Variants in LHX6 observed in about 807,000 individuals in gnomAD.
The protein encoded by LHX6 is LIM/homeobox protein Lhx6.
Under a neutral mutation model 47.1 loss-of-function variants are expected in LHX6, and 15 were observed. The observed-to-expected ratio is 0.32, with a 90% CI of 0.21 to 0.49. The LOEUF is 0.49. Among genes scored for constraint, LHX6 ranks in the 20% least tolerant of loss-of-function variants. The pLI is 0.99. For synonymous variants in LHX6, 242 were observed against 233.5 expected (o/e 1.04, Z -0.33); for missense variants, 404 against 539.6 (o/e 0.75, Z 2.49).
At chr9:122,209,469 G>A in intron 9 of LHX6, 145 bp downstream of exon 9, 2 of 1,206,602 alleles carry the variant, frequency 1.7e-6, no homozygotes, top group South Asian at 1.4e-5. Flanking sequence ...ACTGCTGTGG[G>A]GGTGCGGTGG....
In LHX6 at chr9:122,215,112, T is replaced by A. The variant is rs374056952; in HGVS notation, c.683-729A>T. 1.7e-3 allele frequency among the ~76,000 whole-genome samples: 259 copies of A among 152,318 alleles called. 1 individual carries two copies. Among genetic ancestry groups the A allele is most frequent in the African/African-American group, 5.7e-3 (237 of 41,574 alleles). On this transcript the variant is annotated intron_variant, in intron 5 of 9. Coordinates refer to ENST00000394319, the MANE Select transcript of LHX6 (RefSeq NM_014368.5). ...CATTGTTCTGAATATCCTCAAAATCTCAGAAAATTTCCATAAGCACAAAGA... is the reference window on the plus strand; with the variant it reads ...CATTGTTCTGAATATCCTCAAAATCACAGAAAATTTCCATAAGCACAAAGA...
chr9:122,210,709 G>C (rs1354993753), intron 8 of LHX6, among the ~76,000 whole-genome samples: 1 of 152,080 alleles, frequency 6.6e-6, no homozygotes, highest in Non-Finnish European at 1.5e-5. Context: ...CTACTGGCAT[G>C]TACCATCATG....
Position 122,226,610 on chromosome 9 carries a change from C to A in LHX6, c.340-113G>T, listed in dbSNP as rs759175639. ...GGCGCTGAAGCTCAGAAGGTGCATG[C>A]GATTCCCCTATTTTTCTCCCGTAAT... On this transcript the variant is annotated intron_variant, in intron 3 of 9. Coordinates refer to ENST00000394319, the MANE Select transcript of LHX6 (RefSeq NM_014368.5). This position sits in a 1 kb window ranked among gnomAD's most constrained non-coding sequence, Gnocchi z 6.5. The A allele has an allele frequency of 2.5e-5, 36 of 1,444,994 alleles. No homozygotes were observed. In the Admixed American group the frequency reaches 7.0e-4, roughly 28 times the overall value. 89.5% of individuals were successfully genotyped at this position (1,444,994 alleles called of 1,614,324 possible).
chr9:122,214,204 G>T lies in LHX6; in HGVS notation c.783+79C>A. 2.8e-6 allele frequency: 4 copies of T among 1,416,092 alleles called. No homozygotes were observed. Among genetic ancestry groups the T allele is most frequent in the Non-Finnish European group, 3.7e-6 (4 of 1,070,314 alleles). 87.7% of individuals were successfully genotyped at this position (1,416,092 alleles called of 1,614,324 possible). ...CCGCCACCCGGGTCCGGCCCGAGGG[G>T]CGGAGCCAGGAGACATTGTCGGCCC... On this transcript the variant is annotated intron_variant, in intron 6 of 9. Transcript: ENST00000394319. This position sits in a 1 kb window ranked among gnomAD's most constrained non-coding sequence, Gnocchi z 4.6.
At chr9:122,215,606 C>T (rs1830566670) in intron 5 of LHX6, among the ~76,000 whole-genome samples, 1 of 152,220 alleles carries the variant, frequency 6.6e-6, no homozygotes, top group African/African-American at 2.4e-5. Flanking sequence ...TGTGGGAAAG[C>T]TCTGACTCCT....
intron 9 of LHX6, among the ~76,000 whole-genome samples, chr9:122,209,098 C>A (rs1463673793): frequency 6.6e-6 from 1 of 152,148 alleles, no homozygotes; most frequent in Non-Finnish European, 1.5e-5. Flanking sequence ...ACCTTGAAGC[C>A]CTGGAATGGG....
intron 9 of LHX6, among the ~76,000 whole-genome samples, chr9:122,208,078 G>C (rs1442898668): frequency 6.6e-6 from 1 of 152,220 alleles, no homozygotes; most frequent in African/African-American, 2.4e-5. Context: ...TCTGAAGACT[G>C]CTACAGTGAT....
chr9:122,227,147 A>T (rs1831137115), intron 2 of LHX6, 117 bp from the exon 3 acceptor site: 1 of 1,011,478 alleles, frequency 9.9e-7, no homozygotes, highest in Non-Finnish European at 1.4e-6. Context: ...CCCCAGGACA[A>T]TGCGCCGTAG....
At chr9:122,224,025 A>ATGTT (rs780807918) in intron 4 of LHX6, among the ~76,000 whole-genome samples, 7 of 151,674 alleles carry the variant, frequency 4.6e-5, no homozygotes, top group South Asian at 2.1e-4. Context: ...GTTTTTTTGT[A>ATGTT]TGTTTGTTTG....
chr9:122,219,682 T>C (rs1830754710), intron 4 of LHX6, among the ~76,000 whole-genome samples: 1 of 152,162 alleles, frequency 6.6e-6, no homozygotes, highest in Non-Finnish European at 1.5e-5. Context: ...AGGTGGGGAC[T>C]CTGGCATCCG....
intron 1 of LHX6, chr9:122,228,115 C>G (rs1831187243): frequency 1.7e-6 from 1 of 586,926 alleles, no homozygotes. Context: ...CCCGCCCGCC[C>G]GCCCGCCTGA....
Position 122,227,675 on chromosome 9 carries a change from T to A in LHX6, c.85-195A>T, listed in dbSNP as rs976276374. The A allele has an allele frequency of 4.1e-6, 5 of 1,225,970 alleles. No individual in the cohort carries two copies. In the African/African-American group the frequency reaches 6.4e-5, roughly 16 times the overall value. The allele number at this position is 1,225,970 out of a possible 1,614,324, so 75.9% of individuals were successfully genotyped here. ...TGAAGCAATTTGAATTTGGATTGGA[T>A]TTTTTCCCTCTCTCTCCCCCTCTCC... On this transcript the variant is annotated intron_variant, in intron 1 of 9. Coordinates refer to ENST00000394319, the MANE Select transcript of LHX6 (RefSeq NM_014368.5).
In LHX6 at chr9:122,214,805, A is replaced by G. The variant is rs947745825; in HGVS notation, c.683-422T>C. On this transcript the variant is annotated intron_variant, in intron 5 of 9. Coordinates refer to ENST00000394319, the MANE Select transcript of LHX6 (RefSeq NM_014368.5). This position sits in a 1 kb window ranked among gnomAD's most constrained non-coding sequence, Gnocchi z 4.6. The stretch of plus-strand genomic sequence containing the variant: ...TAGGAAGCAAGCAAGTAACGGAACT[A>G]TGCTCCTAATTTTATAAAAATAAGC... 6.6e-6 allele frequency among the ~76,000 whole-genome samples: 1 copy of G among 152,190 alleles called. No homozygotes were observed. The highest frequency in any genetic ancestry group is 2.4e-5 in the African/African-American group (1 of 41,434).
In LHX6 at chr9:122,226,359, C is replaced by T. The variant is rs564844632; in HGVS notation, c.461+17G>A. 20 of 1,604,884 alleles carry T rather than the reference C, an allele frequency of 1.2e-5. No homozygotes were observed. In the South Asian group the frequency reaches 2.0e-4, roughly 16 times the overall value. ...CCTGCCCTCGGCGACACTGCTGGCT[C>T]GGCGGCCGCAGCCTACCTGAAGTAG... On this transcript the variant is annotated intron_variant, in intron 4 of 9. Coordinates refer to ENST00000394319, the MANE Select transcript of LHX6 (RefSeq NM_014368.5). The surrounding 1 kb of genome is among the most constrained non-coding windows in gnomAD (Gnocchi z 6.5).
chr9:122,214,503 A>T lies in LHX6; in HGVS notation c.683-120T>A, dbSNP rs1830524857. The T allele has an allele frequency of 7.5e-7, 1 of 1,325,002 alleles. No individual in the cohort carries two copies. Among genetic ancestry groups the T allele is most frequent in the Non-Finnish European group, 9.8e-7 (1 of 1,018,516 alleles). The allele number at this position is 1,325,002 out of a possible 1,614,324, so 82.1% of individuals were successfully genotyped here. A position where few individuals can be genotyped will look rare whatever the true frequency, so the allele number is the denominator to read the frequency against. On this transcript the variant is annotated intron_variant, in intron 5 of 9. Transcript: ENST00000394319. The surrounding 1 kb of genome is among the most constrained non-coding windows in gnomAD (Gnocchi z 4.6). ...TCAGGAGCGGGAGTTGGCTGGGAGC[A>T]GGGATCCCAGGGTCCTAGTCCCTGA...
At position 122,226,817 on chromosome 9, in the gene LHX6, A is replaced by G; in HGVS notation, c.339+31T>C. 6.4e-7 allele frequency: 1 copy of G among 1,550,504 alleles called. No homozygotes were observed. Among genetic ancestry groups the G allele is most frequent in the Non-Finnish European group, 8.7e-7 (1 of 1,147,148 alleles). The stretch of plus-strand genomic sequence containing the variant: ...CCTGCGCTGCGTCCCACGCCCCGAC[A>G]ACACGCACGCAACACCTACCCCTGT... On this transcript the variant is annotated intron_variant, in intron 3 of 9. Transcript: ENST00000394319. This position sits in a 1 kb window ranked among gnomAD's most constrained non-coding sequence, Gnocchi z 6.5.
At chr9:122,206,447 C>T (rs1231254648) in intron 9 of LHX6, among the ~76,000 whole-genome samples, 1 of 152,126 alleles carries the variant, frequency 6.6e-6, no homozygotes, top group African/African-American at 2.4e-5. Context: ...AAGAAAAGTC[C>T]CTAGGAGCTG....
Position 122,226,668 on chromosome 9 carries a change from C to A in LHX6, c.340-171G>T. 1.6e-6 allele frequency: 2 copies of A among 1,262,274 alleles called. No individual in the cohort carries two copies. Among genetic ancestry groups the A allele is most frequent in the South Asian group, 3.0e-5 (2 of 66,280 alleles). 78.2% of individuals were successfully genotyped at this position (1,262,274 alleles called of 1,614,324 possible). A position where few individuals can be genotyped will look rare whatever the true frequency, so the allele number is the denominator to read the frequency against. ...CTCAGGGAAATGGAAATAAACTCTT[C>A]TTATTTTTCAGACGGAACCCGGGGG... is the stretch of plus-strand genomic sequence containing the variant. On this transcript the variant is annotated intron_variant, in intron 3 of 9. Coordinates refer to ENST00000394319, the MANE Select transcript of LHX6 (RefSeq NM_014368.5). This position sits in a 1 kb window ranked among gnomAD's most constrained non-coding sequence, Gnocchi z 6.5.
intron 4 of LHX6, among the ~76,000 whole-genome samples, chr9:122,220,761 G>A (rs1023454393): frequency 2.6e-5 from 4 of 152,186 alleles, no homozygotes; most frequent in Non-Finnish European, 4.4e-5. Context: ...AAAGAGTAAG[G>A]TGGGCGTCGC....
Sources: gnomAD v4.1 joint callset for allele counts (sites outside exome capture counted in the v4.1 genomes callset) on GRCh38, gnomAD v4.1.1 for gene constraint, Gnocchi (gnomAD v3.1) non-coding constraint, MANE v1.5 for transcripts, NCBI Gene and HGNC (gene_info 2026-07-23, HGNC 2026-07-21) for gene names.